FHAD1: variants seen among roughly 807,000 people sequenced by gnomAD.
The protein encoded by FHAD1 is forkhead-associated domain-containing protein 1.
In FHAD1, 146 loss-of-function variants were observed where a neutral mutation model predicts 191.3. The observed-to-expected ratio is 0.76, with a 90% CI of 0.67 to 0.88. FHAD1 has a LOEUF of 0.88. Ranked by LOEUF, FHAD1 falls within the 40% of genes least tolerant of loss-of-function variation. The pLI is 0.00. For synonymous variants in FHAD1, 616 were observed against 672.3 expected (o/e 0.92, Z 1.29); for missense variants, 1,635 against 1,785.8 (o/e 0.92, Z 1.52).
chr1:15,388,704 A>G (rs1056844235), intron 32 of FHAD1, among the ~76,000 whole-genome samples: 10 of 152,230 alleles, frequency 6.6e-5, no homozygotes, highest in African/African-American at 2.2e-4. Context: ...CTGGCAGCCA[A>G]CGAGAAATGG....
At chr1:15,259,456 A>T (rs1470986110) in intron 2 of FHAD1, among the ~76,000 whole-genome samples, 1 of 152,146 alleles carries the variant, frequency 6.6e-6, no homozygotes, top group African/African-American at 2.4e-5. Flanking sequence ...GGGCTGTCTG[A>T]TGCAACGCTT....
upstream of FHAD1, among the ~76,000 whole-genome samples, chr1:15,245,180 C>T (rs1645864022): frequency 6.6e-6 from 1 of 152,200 alleles, no homozygotes; most frequent in Non-Finnish European, 1.5e-5. Context: ...CCGCCAGGCC[C>T]CACCTCCAAC....
Position 15,358,301 on chromosome 1 carries a change from G to T in FHAD1, c.2736+18G>T, listed in dbSNP as rs751073708. On this transcript the variant is annotated intron_variant, in intron 21 of 33. Transcript: ENST00000688493. Reference sequence around the variant, plus strand: ...CAAAAATGGTAAGTCGGTGCCTTCCGGGAACGGGAGAATTTTTCTCTCAAT... The same window carrying T: ...CAAAAATGGTAAGTCGGTGCCTTCCTGGAACGGGAGAATTTTTCTCTCAAT... The T allele has an allele frequency of 3.3e-6, 5 of 1,519,146 alleles. No homozygotes were observed. The South Asian group carries it at 5.1e-5, about 16-fold the overall frequency. 94.1% of individuals were successfully genotyped at this position (1,519,146 alleles called of 1,614,324 possible). A position where few individuals can be genotyped will look rare whatever the true frequency, so the allele number is the denominator to read the frequency against.
chr1:15,246,476 T>TCACGTAGAAGTG (rs372941396), upstream of FHAD1, among the ~76,000 whole-genome samples: 1 of 151,830 alleles, frequency 6.6e-6, no homozygotes, highest in Non-Finnish European at 1.5e-5. Flanking sequence ...GATTTCCTGC[T>TCACGTAGAAGTG]GGAGATAGTG....
intron 31 of FHAD1, chr1:15,383,383 C>T (rs1007023807): frequency 1.1e-4 from 43 of 399,112 alleles, no homozygotes; most frequent in African/African-American, 8.2e-4. Flanking sequence ...TGCCCGTGAC[C>T]CATGCAGGTG....
chr1:15,315,957 C>T (rs1674296678), intron 8 of FHAD1, among the ~76,000 whole-genome samples: 1 of 152,216 alleles, frequency 6.6e-6, no homozygotes, highest in African/African-American at 2.4e-5. Context: ...AAATTGCCCT[C>T]CAGAACGGCT....
chr1:15,394,744 G>A (rs933675813), intron 33 of FHAD1, among the ~76,000 whole-genome samples: 1 of 152,144 alleles, frequency 6.6e-6, no homozygotes, highest in African/African-American at 2.4e-5. Flanking sequence ...GGAAACTGAG[G>A]GTCATGTAGT....
At chr1:15,272,767 T>C (rs568078497) in intron 3 of FHAD1, among the ~76,000 whole-genome samples, 1 of 152,188 alleles carries the variant, frequency 6.6e-6, no homozygotes, top group Non-Finnish European at 1.5e-5. Context: ...TTGGCTCACA[T>C]AGAACCAGTT....
intron 32 of FHAD1, 94 bp downstream of exon 32, chr1:15,388,225 C>A: frequency 1.4e-6 from 1 of 705,824 alleles, no homozygotes; most frequent in Non-Finnish European, 2.2e-6. Flanking sequence ...CACGCGCTGC[C>A]CAAGGAGCAC....
At chr1:15,361,857 T>G (rs561864465) in intron 22 of FHAD1, among the ~76,000 whole-genome samples, 1 of 151,854 alleles carries the variant, frequency 6.6e-6, no homozygotes, top group Admixed American at 6.6e-5. Flanking sequence ...ATACAAAAAT[T>G]AGCCGGGCCT....
intron 5 of FHAD1, among the ~76,000 whole-genome samples, 183 bp downstream of exon 5, chr1:15,296,976 T>C (rs1006884279): frequency 6.6e-6 from 1 of 152,230 alleles, no homozygotes; most frequent in Non-Finnish European, 1.5e-5. Context: ...AACCACTGTT[T>C]ATTAAGCATC....
chr1:15,328,609 G>A, intron 13 of FHAD1, 180 bp downstream of exon 13: 1 of 506,968 alleles, frequency 2.0e-6, no homozygotes, highest in Non-Finnish European at 3.3e-6. Flanking sequence ...CTAAAAAAAT[G>A]CCTCCCGGGA....
chr1:15,244,841 G>C (rs928200180), upstream of FHAD1, among the ~76,000 whole-genome samples: 1 of 152,176 alleles, frequency 6.6e-6, no homozygotes, highest in African/African-American at 2.4e-5. This position sits in a 1 kb window ranked among gnomAD's most constrained non-coding sequence, Gnocchi z 5.1. Context: ...TAGTCCATTT[G>C]TGTTGCTATC....
In FHAD1 at chr1:15,276,894, A is replaced by G. The variant is rs1479295541; in HGVS notation, c.300+4365A>G. On this transcript the variant is annotated intron_variant, in intron 3 of 33. Coordinates refer to ENST00000688493, the MANE Select transcript of FHAD1 (RefSeq NM_001391957.1). This position sits in a 1 kb window ranked among gnomAD's most constrained non-coding sequence, Gnocchi z 4.7. ...GGCACCCCCTGGAGTTGTGCGAGGC[A>G]TAACCTACAGGGCCATTTGCGATGC... is the stretch of plus-strand genomic sequence containing the variant. Among the ~76,000 whole-genome samples the G allele has an allele frequency of 6.6e-6, 1 of 151,976 alleles. No individual in the cohort carries two copies. Among genetic ancestry groups the G allele is most frequent in the Non-Finnish European group, 1.5e-5 (1 of 67,992 alleles).
chr1:15,301,518 G>A, intron 6 of FHAD1, 77 bp downstream of exon 6: 3 of 1,292,654 alleles, frequency 2.3e-6, no homozygotes, highest in Non-Finnish European at 3.2e-6. Context: ...ACCAAGGTGA[G>A]CCACCCAGAG....
intron 28 of FHAD1, among the ~76,000 whole-genome samples, chr1:15,376,257 T>A (rs555609181): frequency 2.6e-5 from 4 of 151,662 alleles, no homozygotes; most frequent in Admixed American, 6.6e-5. Flanking sequence ...ACCCGGCTAA[T>A]TTTTTTGTAT....
intron 20 of FHAD1, among the ~76,000 whole-genome samples, chr1:15,353,704 C>CAAA (rs60518389): frequency 2.3e-3 from 140 of 60,900 alleles, no homozygotes; most frequent in African/African-American, 4.4e-3. Context: ...GACTCCATCT[C>CAAA]AAAAAAAAAA....
At chr1:15,363,253 C>G (rs1017586311) in intron 23 of FHAD1, among the ~76,000 whole-genome samples, 9 of 152,124 alleles carry the variant, frequency 5.9e-5, no homozygotes, top group African/African-American at 2.2e-4. Flanking sequence ...TATAAATCCA[C>G]AGTCTCACTG....
At chr1:15,282,851 C>A (rs1661088183) in intron 3 of FHAD1, among the ~76,000 whole-genome samples, 1 of 152,174 alleles carries the variant, frequency 6.6e-6, no homozygotes, top group South Asian at 2.1e-4. Context: ...GTAAATACTC[C>A]CATTAATGCA....
Sources: allele counts gnomAD v4.1 joint callset (sites outside exome capture counted in the v4.1 genomes callset), GRCh38; gene constraint gnomAD v4.1.1; non-coding constraint Gnocchi (gnomAD v3.1); transcripts MANE v1.5; gene names NCBI Gene and HGNC (gene_info 2026-07-23, HGNC 2026-07-21).